Variants in DPYD observed in about 807,000 individuals in gnomAD.
The protein encoded by DPYD is dihydropyrimidine dehydrogenase.
DPYD carries 109 observed loss-of-function variants against 116.2 expected under a neutral mutation model. That is an observed-to-expected ratio of 0.94 (90% CI 0.80 to 1.10). The LOEUF (loss-of-function observed/expected upper bound fraction) is 1.10. Ranked by LOEUF, DPYD falls within the 50% of genes least tolerant of loss-of-function variation. The probability of loss-of-function intolerance (pLI) is 0.00; values close to 1 mark genes in which losing one functional copy is unlikely to be tolerated. For missense variants in DPYD, 1,302 were observed against 1,254.5 expected, an observed-to-expected ratio of 1.04 and a Z score of -0.57; for synonymous variants, 440 against 432.0, an observed-to-expected ratio of 1.02 and a Z score of -0.23.
rs150658022 is a variant in DPYD, at chr1:97,589,159, C to A, written c.1128+4059G>T. Among the ~76,000 whole-genome samples, 40 of 152,340 alleles carry A rather than the reference C, an allele frequency of 2.6e-4. No homozygotes were observed. In the East Asian group the frequency reaches 7.1e-3, roughly 27 times the overall value. ...GAGAAATGGGATGTGTTTGTCACTA[C>A]AGAGTCTATTGGATGATGTCTCCTA... is the stretch of plus-strand genomic sequence containing the variant. On this transcript the variant is annotated intron_variant, in intron 10 of 22. Coordinates refer to ENST00000370192, the MANE Select transcript of DPYD (RefSeq NM_000110.4).
At chr1:97,705,135 T>C (rs112077608) in intron 5 of DPYD, among the ~76,000 whole-genome samples, 2 of 151,700 alleles carry the variant, frequency 1.3e-5, no homozygotes, top group African/African-American at 4.9e-5. Flanking sequence ...TGAACTCTTT[T>C]TTTTTTTAAA....
At position 97,102,676 on chromosome 1, in the gene DPYD, A is replaced by T. The variant is rs1239990084; in HGVS notation, c.2623-4044T>A. On this transcript the variant is annotated intron_variant, in intron 20 of 22. Coordinates refer to ENST00000370192, the MANE Select transcript of DPYD (RefSeq NM_000110.4). ...CATTTATTCAACAAATACAGTATTG[A>T]ATATCCACTCTGGGCCAGGAACTGT... is the stretch of plus-strand genomic sequence containing the variant. 2.0e-5 allele frequency among the ~76,000 whole-genome samples: 3 copies of T among 151,926 alleles called. No homozygotes were observed. In the South Asian group the frequency reaches 6.2e-4, roughly 31 times the overall value.
At chr1:97,707,042 C>T (rs1662003086) in intron 5 of DPYD, among the ~76,000 whole-genome samples, 1 of 152,002 alleles carries the variant, frequency 6.6e-6, no homozygotes, top group African/African-American at 2.4e-5. Context: ...GTTTGGTCTC[C>T]TCTGAATGTT....
At chr1:97,566,995 G>T (rs558140891) in intron 11 of DPYD, among the ~76,000 whole-genome samples, 1 of 152,066 alleles carries the variant, frequency 6.6e-6, no homozygotes, top group South Asian at 2.1e-4. Flanking sequence ...ATAATATAAT[G>T]CCAACATTAA....
At chr1:97,599,730 A>G (rs969863375) in intron 8 of DPYD, among the ~76,000 whole-genome samples, 1 of 151,066 alleles carries the variant, frequency 6.6e-6, no homozygotes, top group African/African-American at 2.4e-5. Flanking sequence ...GCTCACAGAA[A>G]TGGGTGATGC....
intron 8 of DPYD, among the ~76,000 whole-genome samples, chr1:97,674,830 A>C (rs757493500): frequency 2.6e-5 from 4 of 152,184 alleles, no homozygotes; most frequent in Non-Finnish European, 4.4e-5. Context: ...TTAAATTCTT[A>C]GCACAGTGTT....
rs1654782224 is a variant in DPYD at position 97,595,057 on chromosome 1, A to G, written c.958+2T>C. 1 of 1,607,786 alleles carries G rather than the reference A, an allele frequency of 6.2e-7. No homozygotes were observed. ...TTAAGCATAAAAGACAATATGTTAT[A>G]CCTGCTTTACTGCCTTTGGCTACAA... On this transcript the variant is annotated splice_donor_variant, in intron 9 of 22. Transcript: ENST00000370192. LOFTEE classifies it high-confidence loss of function.
intron 5 of DPYD, chr1:97,720,593 T>G: frequency 8.9e-7 from 1 of 1,119,570 alleles, no homozygotes. Flanking sequence ...AACCCTGATT[T>G]ATTACTAAGA....
chr1:97,170,115 C>A (rs1281625093), intron 20 of DPYD, among the ~76,000 whole-genome samples: 1 of 152,074 alleles, frequency 6.6e-6, no homozygotes, highest in African/African-American at 2.4e-5. Flanking sequence ...GGGAAATAAC[C>A]CACATACAGA....
chr1:97,764,885 A>T (rs975802758), intron 3 of DPYD, among the ~76,000 whole-genome samples: 2 of 152,148 alleles, frequency 1.3e-5, no homozygotes, highest in South Asian at 4.1e-4. Context: ...ACATTCAATG[A>T]ATATTTGTTG....
intron 5 of DPYD, chr1:97,700,160 T>G (rs1433866220): frequency 2.2e-6 from 1 of 451,812 alleles, no homozygotes; most frequent in South Asian, 1.6e-5. Context: ...CAGAAGTCAC[T>G]TTTCCCCTGA....
intron 18 of DPYD, among the ~76,000 whole-genome samples, chr1:97,250,386 CTAGA>C (rs1462632039): frequency 6.6e-6 from 1 of 152,110 alleles, no homozygotes; most frequent in African/African-American, 2.4e-5. Flanking sequence ...AATTTCTTTC[CTAGA>C]TATTCACTCA....
chr1:97,521,981 T>C (rs1243485242), intron 12 of DPYD, among the ~76,000 whole-genome samples: 2 of 151,886 alleles, frequency 1.3e-5, no homozygotes, highest in African/African-American at 4.8e-5. Flanking sequence ...GTCAAATACC[T>C]CAGGACATAG....
At chr1:97,593,507 T>G (rs1469161824) in intron 9 of DPYD, 120 bp from the exon 10 acceptor site, 1 of 1,126,674 alleles carries the variant, frequency 8.9e-7, no homozygotes, top group African/African-American at 1.6e-5. Flanking sequence ...CAGGATGAAG[T>G]GTCACTATCA....
intron 11 of DPYD, among the ~76,000 whole-genome samples, chr1:97,570,364 G>C (rs1652811997): frequency 6.6e-6 from 1 of 151,824 alleles, no homozygotes; most frequent in Admixed American, 6.6e-5. Flanking sequence ...TTCATTACTT[G>C]AATTTTTCAG....
intron 3 of DPYD, among the ~76,000 whole-genome samples, chr1:97,785,569 T>C (rs1370230903): frequency 6.6e-6 from 1 of 151,602 alleles, no homozygotes; most frequent in Admixed American, 6.6e-5. Context: ...CAAACATGAA[T>C]AGAACCTAAA....
intron 3 of DPYD, among the ~76,000 whole-genome samples, chr1:97,745,738 T>G (rs1184108830): frequency 6.6e-6 from 1 of 152,054 alleles, no homozygotes; most frequent in African/African-American, 2.4e-5. Flanking sequence ...GAGGCTCCAG[T>G]CATCTCCCGT....
intron 2 of DPYD, among the ~76,000 whole-genome samples, chr1:97,877,088 G>A (rs150479913): frequency 6.6e-6 from 1 of 152,022 alleles, no homozygotes; most frequent in African/African-American, 2.4e-5. Flanking sequence ...CTCGACAAAC[G>A]AAGCCCTGGG....
intron 20 of DPYD, among the ~76,000 whole-genome samples, chr1:97,145,524 C>T (rs1654552928): frequency 6.6e-6 from 1 of 152,146 alleles, no homozygotes; most frequent in South Asian, 2.1e-4. Flanking sequence ...GTGGGCCAGA[C>T]AATCACAGAG....
Sources: gnomAD v4.1 joint callset for allele counts (sites outside exome capture counted in the v4.1 genomes callset) on GRCh38, gnomAD v4.1.1 for gene constraint, MANE v1.5 for transcripts, NCBI Gene and HGNC (gene_info 2026-07-23, HGNC 2026-07-21) for gene names.